The following RPRD1A variants were observed in gnomAD, a reference collection of about 807,000 sequenced individuals.
RPRD1A encodes the protein regulation of nuclear pre-mRNA domain containing 1A.
Under a neutral mutation model 37.8 loss-of-function variants are expected in RPRD1A, and 9 were observed. The ratio of observed to expected loss-of-function variants is 0.24; its 90% CI spans 0.14 to 0.42. RPRD1A has a LOEUF of 0.42. RPRD1A is among the 10% of genes least tolerant of loss of function. The pLI, the probability that RPRD1A is intolerant of heterozygous loss-of-function variation, is 1.00. For synonymous variants in RPRD1A, 138 were observed against 139.7 expected (o/e 0.99, Z 0.08); for missense variants, 255 against 371.0 (o/e 0.69, Z 2.57).
At chr18:36,035,241 A>T (rs1912107171) in intron 1 of RPRD1A, among the ~76,000 whole-genome samples, 3 of 152,216 alleles carry the variant, frequency 2.0e-5, no homozygotes, top group African/African-American at 7.2e-5. Flanking sequence ...GTGTCAAATG[A>T]GTTTAGAAAC....
At chr18:36,056,677 G>GT (rs1158528252) in intron 1 of RPRD1A, among the ~76,000 whole-genome samples, 4 of 151,822 alleles carry the variant, frequency 2.6e-5, no homozygotes, top group Admixed American at 6.6e-5. Flanking sequence ...AGCATTCAAC[G>GT]TAAGTATGGT....
At chr18:36,065,325 A>G (rs2089007929) in intron 1 of RPRD1A, among the ~76,000 whole-genome samples, 1 of 151,950 alleles carries the variant, frequency 6.6e-6, no homozygotes, top group African/African-American at 2.4e-5. Context: ...TCTTAGCTCA[A>G]GATTTTGTTT....
At position 36,067,161 on chromosome 18, in the gene RPRD1A, G is replaced by C. The variant is rs548938196; in HGVS notation, c.151+93C>G. ...CACCGCGCGCTGGCATCCCGACGCC[G>C]GGAAGCCGGGGGCGCTGGAGAAACG... On this transcript the variant is annotated intron_variant, in intron 1 of 6. Coordinates refer to ENST00000399022, the MANE Select transcript of RPRD1A (RefSeq NM_018170.5). The C allele has an allele frequency of 4.1e-5, 57 of 1,396,020 alleles. No individual in the cohort carries two copies. The East Asian group carries it at 8.8e-4, about 22-fold the overall frequency. The allele number at this position is 1,396,020 out of a possible 1,614,324, so 86.5% of individuals were successfully genotyped here.
chr18:36,013,293 T>C (rs947454626), intron 6 of RPRD1A, among the ~76,000 whole-genome samples: 20 of 151,930 alleles, frequency 1.3e-4, no homozygotes, highest in Admixed American at 9.2e-4. Flanking sequence ...AGAATTAGTA[T>C]AACAAAAAAT....
chr18:36,015,133 C>CAT (rs1438550603), intron 6 of RPRD1A, among the ~76,000 whole-genome samples: 1 of 115,928 alleles, frequency 8.6e-6, no homozygotes, highest in African/African-American at 3.0e-5. Context: ...GTCTCACATA[C>CAT]ACACACACAC....
intron 1 of RPRD1A, among the ~76,000 whole-genome samples, chr18:36,054,243 C>T (rs1913606842): frequency 6.6e-6 from 1 of 152,188 alleles, no homozygotes; most frequent in African/African-American, 2.4e-5. Flanking sequence ...GTAATCCCAG[C>T]ACCTTGGGAG....
intron 1 of RPRD1A, among the ~76,000 whole-genome samples, chr18:36,035,058 G>A (rs893570600): frequency 6.6e-6 from 1 of 152,190 alleles, no homozygotes; most frequent in African/African-American, 2.4e-5. Flanking sequence ...ACAGAGACCA[G>A]CTTCTGGTTT....
At chr18:36,048,035 A>T in intron 1 of RPRD1A, among the ~76,000 whole-genome samples, 1 of 140,456 alleles carries the variant, frequency 7.1e-6, no homozygotes. Context: ...TAGACCAACC[A>T]CCTTCATTAA....
At chr18:36,016,165 A>G (rs1910556437) in intron 6 of RPRD1A, among the ~76,000 whole-genome samples, 1 of 152,232 alleles carries the variant, frequency 6.6e-6, no homozygotes, top group Non-Finnish European at 1.5e-5. Flanking sequence ...AATTTACATC[A>G]ACAATATGTT....
chr18:36,027,412 C>A, intron 4 of RPRD1A, 102 bp from the exon 5 acceptor site: 2 of 1,247,568 alleles, frequency 1.6e-6, no homozygotes, highest in South Asian at 2.7e-5. Context: ...TTTACTAGTA[C>A]AAAGCTCCTA....
intron 6 of RPRD1A, chr18:36,025,711 C>T (rs1250054360): frequency 1.7e-6 from 2 of 1,208,346 alleles, no homozygotes; most frequent in East Asian, 1.1e-4. Context: ...GTTAAAGAAA[C>T]CATACTAAAA....
At chr18:36,055,814 A>C (rs1913725382) in intron 1 of RPRD1A, among the ~76,000 whole-genome samples, 1 of 152,208 alleles carries the variant, frequency 6.6e-6, no homozygotes, top group Non-Finnish European at 1.5e-5. Context: ...AGACATGAAA[A>C]CATAATAAAG....
intron 1 of RPRD1A, among the ~76,000 whole-genome samples, chr18:36,035,650 A>G (rs1361072218): frequency 2.0e-5 from 3 of 152,248 alleles, no homozygotes; most frequent in South Asian, 4.1e-4. Flanking sequence ...AATATTTTAC[A>G]ATGTTAGCAG....
Position 36,033,716 on chromosome 18 carries a change from A to G in RPRD1A, c.273T>C (p.His91=). ...CAAAACTATGATCATACCTTGAAAC[A>G]TGCTTAAAAGCCTCCACTATAACTG... The part of the protein sequence containing the change: ...FAPVIVEAFK[H]VSSETDESCK... The change falls in exon 2 of 7, where the codon CAT becomes CAC. Residue 91 remains histidine (H), a synonymous_variant. Coordinates refer to ENST00000399022, the MANE Select transcript of RPRD1A (RefSeq NM_018170.5). 1 of 1,609,920 alleles carries G rather than the reference A, an allele frequency of 6.2e-7. No homozygotes were observed. The highest frequency in any genetic ancestry group is 2.2e-5 in the East Asian group (1 of 44,800).
chr18:36,067,112 C>T, intron 1 of RPRD1A, 142 bp downstream of exon 1: 1 of 771,330 alleles, frequency 1.3e-6, no homozygotes, highest in Admixed American at 3.0e-5. Context: ...GCGTGGTGCA[C>T]GCAGCTCCTC....
At chr18:36,016,003 C>T (rs1910544516) in intron 6 of RPRD1A, among the ~76,000 whole-genome samples, 1 of 152,018 alleles carries the variant, frequency 6.6e-6, no homozygotes, top group South Asian at 2.1e-4. Context: ...AAAACTATAC[C>T]ATCCCTGTGC....
intron 6 of RPRD1A, among the ~76,000 whole-genome samples, chr18:35,997,243 A>G (rs1308784807): frequency 6.6e-6 from 1 of 152,144 alleles, no homozygotes; most frequent in African/African-American, 2.4e-5. Flanking sequence ...CCCAAACTAT[A>G]TTGAACATTC....
At chr18:36,056,290 TTG>T (rs1913761906) in intron 1 of RPRD1A, among the ~76,000 whole-genome samples, 1 of 152,076 alleles carries the variant, frequency 6.6e-6, no homozygotes, top group African/African-American at 2.4e-5. Flanking sequence ...TTTTGGGTTT[TTG>T]TGTTTTTTTT....
intron 6 of RPRD1A, among the ~76,000 whole-genome samples, chr18:36,004,931 A>T (rs1278641835): frequency 2.0e-5 from 3 of 151,712 alleles, no homozygotes; most frequent in Admixed American, 1.3e-4. Flanking sequence ...AAATAAATTT[A>T]AAAAATAGAA....
Sources: allele counts gnomAD v4.1 joint callset (sites outside exome capture counted in the v4.1 genomes callset), GRCh38; gene constraint gnomAD v4.1.1; transcripts MANE v1.5; gene names NCBI Gene and HGNC (gene_info 2026-07-23, HGNC 2026-07-21).